The following CCDC25 variants were observed in gnomAD, a reference collection of about 807,000 sequenced individuals.
The protein encoded by CCDC25 is coiled-coil domain-containing protein 25.
In CCDC25, 16 loss-of-function variants were observed where a neutral mutation model predicts 35.3. The ratio of observed to expected loss-of-function variants is 0.45; its 90% CI spans 0.31 to 0.69. The LOEUF is 0.69. Among genes scored for constraint, CCDC25 ranks in the 30% least tolerant of loss-of-function variants. The pLI is 0.06. For missense variants in CCDC25, 179 were observed against 250.7 expected (o/e 0.71, Z 1.93); for synonymous variants, 79 against 80.3 (o/e 0.98, Z 0.09).
chr8:27,750,183 A>G (rs1021918975), intron 5 of CCDC25, among the ~76,000 whole-genome samples: 3 of 152,192 alleles, frequency 2.0e-5, no homozygotes, highest in African/African-American at 7.2e-5. Flanking sequence ...CTGCTAAGAC[A>G]GCACAGAGAA....
intron 1 of CCDC25, among the ~76,000 whole-genome samples, chr8:27,766,016 G>C (rs1262490622): frequency 1.3e-5 from 2 of 152,202 alleles, no homozygotes; most frequent in African/African-American, 4.8e-5. Context: ...AATGATATTT[G>C]CTTTACCAAG....
At chr8:27,747,801 C>G (rs1401497161) in intron 7 of CCDC25, 1 of 388,848 alleles carries the variant, frequency 2.6e-6, no homozygotes, top group Non-Finnish European at 4.6e-6. Flanking sequence ...CAAACCAAAC[C>G]AAACTAGGGA....
At chr8:27,748,362 G>A in intron 6 of CCDC25, 83 bp from the exon 7 acceptor site, 1 of 1,375,666 alleles carries the variant, frequency 7.3e-7, no homozygotes, top group Non-Finnish European at 1.0e-6. Context: ...CAGGGGTTTA[G>A]CAACCCAGTT....
At chr8:27,746,994 T>C (rs1351599638) in intron 7 of CCDC25, among the ~76,000 whole-genome samples, 1 of 152,216 alleles carries the variant, frequency 6.6e-6, no homozygotes, top group Non-Finnish European at 1.5e-5. Flanking sequence ...ATGTTATAAG[T>C]AACTCTTTTT....
intron 4 of CCDC25, among the ~76,000 whole-genome samples, chr8:27,755,692 C>T (rs1352617278): frequency 3.3e-5 from 5 of 152,326 alleles, no homozygotes; most frequent in Middle Eastern, 3.4e-3. Flanking sequence ...CGGTAATACA[C>T]GCACCCGATA....
intron 4 of CCDC25, 108 bp downstream of exon 4, chr8:27,756,610 AT>A (rs1287581156): frequency 2.3e-5 from 17 of 732,132 alleles, no homozygotes; most frequent in Non-Finnish European, 3.8e-5. Flanking sequence ...TAACTTTTAG[AT>A]TTGCGTACCA....
rs1451166482 is a variant in CCDC25 at position 27,756,747 on chromosome 8, G to A, written c.140C>T (p.Ser47Leu). The A allele has an allele frequency of 3.7e-6, 6 of 1,612,942 alleles. No individual in the cohort carries two copies. The highest frequency in any genetic ancestry group is 2.2e-5 in the East Asian group (1 of 44,872). The stretch of plus-strand genomic sequence containing the variant: ...ATGTAATCGAAGGTATACATGAGCC[G>A]AAGAGAGTTTGTCCACATGAAACCT... ...DIWFHVDKLS[S>L]AHVYLRLHKG... The change falls in exon 4 of 9, where the codon TCG (serine) becomes TTG (leucine). Residue 47 changes from serine (S) to leucine (L), a missense_variant. Physicochemically the swap from Ser to Leu is moderately radical, Grantham distance 145. Transcript: ENST00000356537.
chr8:27,770,565 C>T (rs1804563104), intron 1 of CCDC25, among the ~76,000 whole-genome samples: 1 of 152,000 alleles, frequency 6.6e-6, no homozygotes, highest in South Asian at 2.1e-4. Flanking sequence ...TGGAGAAACC[C>T]CGTCTCTACT....
At chr8:27,747,773 C>T in intron 7 of CCDC25, 1 of 332,148 alleles carries the variant, frequency 3.0e-6, no homozygotes, top group Non-Finnish European at 5.5e-6. Flanking sequence ...GCACCTTTTC[C>T]TTTCCAGAAG....
At chr8:27,751,264 G>T (rs1803793883) in intron 5 of CCDC25, among the ~76,000 whole-genome samples, 1 of 152,184 alleles carries the variant, frequency 6.6e-6, no homozygotes, top group South Asian at 2.1e-4. Flanking sequence ...CAGAAGGAAA[G>T]AATATAATGA....
intron 1 of CCDC25, among the ~76,000 whole-genome samples, chr8:27,771,636 C>T (rs1027766226): frequency 7.2e-5 from 11 of 152,132 alleles, no homozygotes; most frequent in African/African-American, 2.4e-4. Context: ...ATCCTGTCCA[C>T]GCCCTCAAGG....
intron 3 of CCDC25, among the ~76,000 whole-genome samples, chr8:27,757,909 C>T (rs1281887615): frequency 6.6e-6 from 1 of 152,138 alleles, no homozygotes; most frequent in East Asian, 1.9e-4. Context: ...CTCATGAGAT[C>T]TGTTTAAAAG....
rs118077204 is a variant in CCDC25, at chr8:27,742,249, G to C, written c.552-1732C>G. On this transcript the variant is annotated intron_variant, in intron 7 of 8. Coordinates refer to ENST00000356537, the MANE Select transcript of CCDC25 (RefSeq NM_018246.3). ...CACAGTCAAAGATAATGAGTTGGGA[G>C]ACACCCAGAGGGAGAGACCAGTAAG... 1.4e-3 allele frequency among the ~76,000 whole-genome samples: 210 copies of C among 152,320 alleles called. 3 individuals carry two copies. In the East Asian group the frequency reaches 0.039, roughly 28 times the overall value.
intron 1 of CCDC25, among the ~76,000 whole-genome samples, chr8:27,767,477 A>C (rs1804438915): frequency 6.6e-6 from 1 of 152,252 alleles, no homozygotes; most frequent in Non-Finnish European, 1.5e-5. Flanking sequence ...TTGACTTATT[A>C]AATGAGGTGA....
At chr8:27,756,666 A>G (rs1804015138) in intron 4 of CCDC25, 53 bp downstream of exon 4, 5 of 1,195,322 alleles carry the variant, frequency 4.2e-6, no homozygotes, top group South Asian at 1.2e-5. Context: ...AAAGAACAAG[A>G]TATGATGCAT....
chr8:27,755,502 T>C (rs1448018587), intron 4 of CCDC25, among the ~76,000 whole-genome samples: 1 of 152,128 alleles, frequency 6.6e-6, no homozygotes, highest in Non-Finnish European at 1.5e-5. Context: ...ATATAGACAC[T>C]CCCCTCTCCA....
intron 5 of CCDC25, among the ~76,000 whole-genome samples, chr8:27,749,032 T>G (rs1354526134): frequency 1.3e-5 from 2 of 152,182 alleles, no homozygotes. Flanking sequence ...TAGCCGAGCC[T>G]CTCTGGAGAA....
intron 2 of CCDC25, chr8:27,764,339 C>T (rs1804327865): frequency 4.2e-6 from 1 of 237,484 alleles, no homozygotes; most frequent in African/African-American, 2.4e-5. Context: ...GGCATGATCA[C>T]AGCTCACTGC....
At chr8:27,769,733 G>A (rs1386368182) in intron 1 of CCDC25, among the ~76,000 whole-genome samples, 1 of 152,218 alleles carries the variant, frequency 6.6e-6, no homozygotes, top group Admixed American at 6.5e-5. Context: ...GTGTGATGAA[G>A]GTGGAAGAGT....
Sources: gnomAD v4.1 joint callset for allele counts (sites outside exome capture counted in the v4.1 genomes callset) on GRCh38, gnomAD v4.1.1 for gene constraint, MANE v1.5 for transcripts, NCBI Gene and HGNC (gene_info 2026-07-23, HGNC 2026-07-21) for gene names.